RBFOX1: variants seen among roughly 807,000 people sequenced by gnomAD.
The protein encoded by RBFOX1 is RNA binding protein fox-1 homolog 1.
Under a neutral mutation model 57.7 loss-of-function variants are expected in RBFOX1, and 8 were observed. The observed-to-expected ratio is 0.14, with a 90% confidence interval of 0.08 to 0.25. The LOEUF (loss-of-function observed/expected upper bound fraction) is 0.25. RBFOX1 is among the 10% of genes least tolerant of loss of function. RBFOX1 has a pLI of 1.00. For synonymous variants in RBFOX1, 326 were observed against 222.4 expected (o/e 1.47, Z -4.15); for missense variants, 611 against 548.5 (o/e 1.11, Z -1.14).
intron 4 of RBFOX1, chr16:7,328,713 C>T (rs979076689): frequency 1.5e-4 from 22 of 150,960 alleles, no homozygotes; most frequent in African/African-American, 5.4e-4. Context: ...ATGGAAATCT[C>T]TGGCACAGGG....
chr16:7,241,200 G>A (rs904130665), intron 4 of RBFOX1, among the ~76,000 whole-genome samples: 10 of 152,200 alleles, frequency 6.6e-5, no homozygotes, highest in Non-Finnish European at 1.5e-4. Context: ...GAAATGTATT[G>A]CCCCACCTCT....
intron 5 of RBFOX1, among the ~76,000 whole-genome samples, chr16:7,550,656 A>G (rs528973028): frequency 1.2e-4 from 18 of 152,304 alleles, no homozygotes; most frequent in Admixed American, 5.2e-4. Context: ...AGAAATTTCT[A>G]GAATAGGTAC....
chr16:5,674,386 G>A (rs912185113), intron 3 of RBFOX1, among the ~76,000 whole-genome samples: 2 of 152,170 alleles, frequency 1.3e-5, no homozygotes, highest in Non-Finnish European at 2.9e-5. Context: ...GTTTGCAAGT[G>A]GGGGAGCTGA....
chr16:7,545,305 G>T (rs2084126548), intron 5 of RBFOX1, among the ~76,000 whole-genome samples: 1 of 146,146 alleles, frequency 6.8e-6, no homozygotes, highest in Non-Finnish European at 1.5e-5. Context: ...GAGAGAGGCA[G>T]GGTGCGGGTC....
chr16:5,839,976 C>T (rs534763160), intron 3 of RBFOX1, among the ~76,000 whole-genome samples: 9 of 152,292 alleles, frequency 5.9e-5, no homozygotes, highest in South Asian at 2.1e-4. Context: ...GGACAAACAT[C>T]TAACAGTGTC....
At chr16:5,694,347 A>G (rs1289042164) in intron 3 of RBFOX1, among the ~76,000 whole-genome samples, 1 of 152,234 alleles carries the variant, frequency 6.6e-6, no homozygotes, top group Non-Finnish European at 1.5e-5. Flanking sequence ...GTGATCCATT[A>G]TTGAGGATTT....
rs530714184 is a variant in RBFOX1 at position 6,356,485 on chromosome 16, G to A, written c.-64+39428G>A. ...AGAAAAATGCTATTTTCCCTCTGTG[G>A]TTTTCCTCCCCATACCTATAATTCC... On this transcript the variant is annotated intron_variant, in intron 2 of 15. Coordinates refer to ENST00000550418, the MANE Select transcript of RBFOX1 (RefSeq NM_018723.4). 2.6e-5 allele frequency among the ~76,000 whole-genome samples: 4 copies of A among 152,246 alleles called. No homozygotes were observed. In the East Asian group the frequency reaches 7.7e-4, roughly 29 times the overall value.
At chr16:5,295,558 G>A (rs991882853) in intron 1 of RBFOX1, among the ~76,000 whole-genome samples, 5 of 152,132 alleles carry the variant, frequency 3.3e-5, no homozygotes, top group Non-Finnish European at 4.4e-5. Flanking sequence ...GCAGCATTCA[G>A]TTCCTTGCAG....
intron 1 of RBFOX1, among the ~76,000 whole-genome samples, chr16:5,269,225 G>T (rs1045375573): frequency 2.7e-4 from 41 of 152,138 alleles, no homozygotes; most frequent in Non-Finnish European, 5.7e-4. Flanking sequence ...CCAATTTTCT[G>T]TATCTTCAAT....
At chr16:7,583,616 A>G (rs749940855) in intron 6 of RBFOX1, among the ~76,000 whole-genome samples, 20 of 152,196 alleles carry the variant, frequency 1.3e-4, no homozygotes, top group Non-Finnish European at 2.1e-4. Flanking sequence ...CAGTTGCTCA[A>G]TGACTACAGT....
At chr16:5,965,557 T>C (rs1456064570) in intron 4 of RBFOX1, among the ~76,000 whole-genome samples, 2 of 152,214 alleles carry the variant, frequency 1.3e-5, no homozygotes, top group Non-Finnish European at 2.9e-5. Flanking sequence ...GGAAATGTTC[T>C]GTCACATAAG....
chr16:6,104,896 G>C (rs772976842), intron 1 of RBFOX1, among the ~76,000 whole-genome samples: 4 of 152,150 alleles, frequency 2.6e-5, no homozygotes, highest in African/African-American at 9.7e-5. Context: ...CAAACCTAAC[G>C]TTGATTTTGA....
chr16:7,417,528 T>TTGTG (rs545621108), intron 4 of RBFOX1, among the ~76,000 whole-genome samples: 5,263 of 68,346 alleles, frequency 0.077, 332 homozygotes, highest in African/African-American at 0.22. Context: ...TCACATGGTA[T>TTGTG]TGTGTGTGTG....
chr16:5,521,101 G>C (rs1174318156), intron 2 of RBFOX1, among the ~76,000 whole-genome samples: 1 of 152,178 alleles, frequency 6.6e-6, no homozygotes, highest in Non-Finnish European at 1.5e-5. Context: ...TATTTTATGA[G>C]AAAAATAAGC....
intron 3 of RBFOX1, among the ~76,000 whole-genome samples, chr16:6,675,732 C>A (rs140011260): frequency 1.3e-4 from 20 of 152,278 alleles, no homozygotes; most frequent in African/African-American, 4.8e-4. Flanking sequence ...AAGGGCTTTC[C>A]CTTTATGAAA....
chr16:7,448,523 A>T (rs1309448423), intron 4 of RBFOX1, among the ~76,000 whole-genome samples: 1 of 152,204 alleles, frequency 6.6e-6, no homozygotes, highest in Non-Finnish European at 1.5e-5. Flanking sequence ...CTATGGTGAG[A>T]ACAGCATGGG....
Position 7,556,950 on chromosome 16 carries a change from C to T in RBFOX1, c.271-22827C>T, listed in dbSNP as rs111400680. Among the ~76,000 whole-genome samples the T allele has an allele frequency of 3.1e-3, 473 of 152,268 alleles. 6 individuals carry two copies. The highest frequency in any genetic ancestry group is 0.011 in the African/African-American group (449 of 41,554). On this transcript the variant is annotated intron_variant, in intron 5 of 15. Transcript: ENST00000550418. ...TTCCATAGTTTCTAAGGATTTCTCC[C>T]AAATGCCTCTGTTAACAACAACGAC...
intron 3 of RBFOX1, among the ~76,000 whole-genome samples, chr16:5,646,502 A>G (rs990576417): frequency 6.6e-6 from 1 of 152,138 alleles, no homozygotes; most frequent in African/African-American, 2.4e-5. Context: ...GACTGTGACA[A>G]TAGTGTGCAT....
intron 4 of RBFOX1, among the ~76,000 whole-genome samples, chr16:5,961,231 C>G (rs2059741861): frequency 6.6e-6 from 1 of 152,060 alleles, no homozygotes; most frequent in South Asian, 2.1e-4. Context: ...AAAATTTGCA[C>G]CACAGAGCAT....
Sources: allele counts gnomAD v4.1 joint callset (sites outside exome capture counted in the v4.1 genomes callset), GRCh38; gene constraint gnomAD v4.1.1; transcripts MANE v1.5; gene names NCBI Gene and HGNC (gene_info 2026-07-23, HGNC 2026-07-21).